SLC24A4: variants seen among roughly 807,000 people sequenced by gnomAD.
SLC24A4 encodes solute carrier family 24 member 4, also known as sodium/potassium/calcium exchanger 4.
SLC24A4 carries 53 observed loss-of-function variants against 79.0 expected under a neutral mutation model. The observed-to-expected ratio is 0.67, with a 90% confidence interval of 0.54 to 0.84. SLC24A4 has a LOEUF of 0.84. SLC24A4 is among the 40% of genes least tolerant of loss of function. SLC24A4 has a pLI of 0.00. For missense variants in SLC24A4, 731 were observed against 822.0 expected (o/e 0.89, Z 1.35); for synonymous variants, 323 against 323.8 (o/e 1.00, Z 0.03).
chr14:92,443,640 C>T (rs1566770819), intron 7 of SLC24A4, among the ~76,000 whole-genome samples, 166 bp downstream of exon 7: 1 of 152,194 alleles, frequency 6.6e-6, no homozygotes, highest in Non-Finnish European at 1.5e-5. Context: ...CGCCCCGACC[C>T]CCAGCACTGT....
At chr14:92,469,170 G>T (rs1894296490) in intron 12 of SLC24A4, among the ~76,000 whole-genome samples, 2 of 152,090 alleles carry the variant, frequency 1.3e-5, no homozygotes, top group African/African-American at 4.8e-5. Flanking sequence ...ACTGGTGAGG[G>T]GATGGGAAAA....
intron 16 of SLC24A4, among the ~76,000 whole-genome samples, chr14:92,492,597 T>C (rs1376985539): frequency 6.6e-6 from 1 of 152,142 alleles, no homozygotes; most frequent in African/African-American, 2.4e-5. Flanking sequence ...GTCGGAATAA[T>C]TGAGGCCTCC....
At chr14:92,489,719 C>T (rs1158009910) in intron 14 of SLC24A4, among the ~76,000 whole-genome samples, 1 of 152,182 alleles carries the variant, frequency 6.6e-6, no homozygotes, top group Non-Finnish European at 1.5e-5. Flanking sequence ...TTGAGTCGCA[C>T]TGCCCTAGAA....
chr14:92,436,270 G>A (rs763606992), intron 3 of SLC24A4, among the ~76,000 whole-genome samples: 25 of 152,168 alleles, frequency 1.6e-4, no homozygotes, highest in Non-Finnish European at 3.4e-4. Flanking sequence ...CACGAGAACA[G>A]CATGGGAAAA....
intron 2 of SLC24A4, among the ~76,000 whole-genome samples, chr14:92,379,928 C>T (rs545877491): frequency 1.4e-4 from 21 of 152,322 alleles, no homozygotes; most frequent in Admixed American, 3.3e-4. Context: ...CCTCACCTGC[C>T]GTGTTGTCTT....
upstream of SLC24A4, chr14:92,322,642 G>GTC (rs1403853601): frequency 2.0e-5 from 3 of 152,834 alleles, no homozygotes; most frequent in Admixed American, 2.0e-4. Context: ...GCAGGTCGGT[G>GTC]TCGCGGCCTC....
At chr14:92,343,499 A>T (rs1385025912) in intron 2 of SLC24A4, among the ~76,000 whole-genome samples, 1 of 152,066 alleles carries the variant, frequency 6.6e-6, no homozygotes, top group Non-Finnish European at 1.5e-5. Context: ...TCCCAGACCG[A>T]TTGGGTTCTC....
At chr14:92,493,424 C>T in intron 16 of SLC24A4, 52 bp from the exon 17 acceptor site, 1 of 1,600,670 alleles carries the variant, frequency 6.2e-7, no homozygotes, top group Non-Finnish European at 8.5e-7. Context: ...GTAGAAATGC[C>T]TCTTGTATTT....
intron 10 of SLC24A4, among the ~76,000 whole-genome samples, chr14:92,450,007 G>A (rs940105644): frequency 9.9e-5 from 15 of 152,242 alleles, no homozygotes; most frequent in Non-Finnish European, 1.8e-4. Context: ...AGGAGAGAGC[G>A]TTCACTCTAG....
chr14:92,381,269 A>AT (rs1392919729), intron 2 of SLC24A4, among the ~76,000 whole-genome samples: 1 of 152,214 alleles, frequency 6.6e-6, no homozygotes, highest in Non-Finnish European at 1.5e-5. Flanking sequence ...GGGTGAGTTC[A>AT]TGTCCTTTGC....
At chr14:92,382,199 C>A (rs1268112475) in intron 2 of SLC24A4, among the ~76,000 whole-genome samples, 4 of 151,620 alleles carry the variant, frequency 2.6e-5, no homozygotes, top group African/African-American at 9.7e-5. Context: ...TATACATGCG[C>A]CTGGGTTAAT....
At chr14:92,419,633 A>G (rs1473099601) in intron 2 of SLC24A4, among the ~76,000 whole-genome samples, 8 of 152,246 alleles carry the variant, frequency 5.3e-5, no homozygotes, top group African/African-American at 9.6e-5. Context: ...AGAAGGGGTT[A>G]CTATTCATTA....
At chr14:92,358,751 C>A (rs772968806) in intron 2 of SLC24A4, among the ~76,000 whole-genome samples, 4 of 147,260 alleles carry the variant, frequency 2.7e-5, no homozygotes, top group Non-Finnish European at 5.9e-5. Flanking sequence ...GGCTGGAATG[C>A]AGTGCTCACT....
intron 12 of SLC24A4, among the ~76,000 whole-genome samples, chr14:92,466,780 A>G (rs1894151504): frequency 6.6e-6 from 1 of 152,192 alleles, no homozygotes; most frequent in Non-Finnish European, 1.5e-5. Context: ...GGCAAGCTGT[A>G]CAGTACATAG....
At chr14:92,383,772 C>G (rs1262356133) in intron 2 of SLC24A4, among the ~76,000 whole-genome samples, 1 of 152,194 alleles carries the variant, frequency 6.6e-6, no homozygotes, top group African/African-American at 2.4e-5. Flanking sequence ...TCCCAGACAT[C>G]TACACGCCCT....
In SLC24A4 at chr14:92,443,406, C is replaced by A. The variant is rs183808799; in HGVS notation, c.589C>A (p.Arg197Ser). ...GACGGGGCTCTGCTGGCAGGTGGTC[C>A]GTCTGACGTGGTGGGCCGTGTGCCG... ...VCGLFAGQVV[R>S]LTWWAVCRDS... Residue 197 changes from arginine to serine, a missense_variant, in exon 7 of 17, where the codon CGT becomes AGT. Coordinates refer to ENST00000532405, the MANE Select transcript of SLC24A4 (RefSeq NM_153646.4). The A allele has an allele frequency of 1.2e-6, 2 of 1,613,986 alleles. No homozygotes were observed. Among genetic ancestry groups the A allele is most frequent in the Admixed American group, 1.7e-5 (1 of 60,008 alleles).
intron 13 of SLC24A4, chr14:92,483,637 G>A: frequency 1.2e-6 from 1 of 845,646 alleles, no homozygotes; most frequent in Non-Finnish European, 1.7e-6. Context: ...TTCATCGGCT[G>A]GGCTGGGCTG....
intron 2 of SLC24A4, among the ~76,000 whole-genome samples, chr14:92,373,905 CT>C (rs1888349924): frequency 1.3e-5 from 2 of 152,306 alleles, no homozygotes; most frequent in South Asian, 4.1e-4. Flanking sequence ...GGCCAGTCCT[CT>C]TTTATCAATG....
rs1230047235 is a variant in SLC24A4, at chr14:92,325,960, A to G, written c.223A>G (p.Lys75Glu). The G allele has an allele frequency of 6.2e-7, 1 of 1,610,770 alleles. No individual in the cohort carries two copies. Among genetic ancestry groups the G allele is most frequent in the Non-Finnish European group, 8.5e-7 (1 of 1,177,574 alleles). Residue 75 changes from lysine to glutamate, a missense_variant, in exon 2 of 17, where the codon AAG becomes GAG. Physicochemically the swap from Lys to Glu is moderately conservative, Grantham distance 56. Coordinates refer to ENST00000532405, the MANE Select transcript of SLC24A4 (RefSeq NM_153646.4). ...CCCAGTGAATGGGACACAGACAGCCAAGAACTGCACAGATCCTGGTAAGAA... is the reference window on the plus strand; with the variant it reads ...CCCAGTGAATGGGACACAGACAGCCGAGAACTGCACAGATCCTGGTAAGAA... ...MAPVNGTQTA[K>E]NCTDPAIHEF... is the part of the protein sequence containing the mutation.
Sources: allele counts gnomAD v4.1 joint callset (sites outside exome capture counted in the v4.1 genomes callset), GRCh38; gene constraint gnomAD v4.1.1; transcripts MANE v1.5; gene names NCBI Gene and HGNC (gene_info 2026-07-23, HGNC 2026-07-21).